The following IPCEF1 variants were observed in gnomAD, a reference collection of about 807,000 sequenced individuals.
IPCEF1 encodes interactor protein for cytohesin exchange factors 1.
In IPCEF1, 31 loss-of-function variants were observed where a neutral mutation model predicts 50.9. The ratio of observed to expected loss-of-function variants is 0.61; its 90% confidence interval spans 0.46 to 0.82. The LOEUF (loss-of-function observed/expected upper bound fraction) is 0.82, where lower values mean the gene tolerates loss of function less well. Ranked by LOEUF, IPCEF1 falls within the 40% of genes least tolerant of loss-of-function variation. IPCEF1 has a pLI of 0.00. For missense variants in IPCEF1, 458 were observed against 514.0 expected, an observed-to-expected ratio of 0.89 and a Z score of 1.05; for synonymous variants, 181 against 192.0, an observed-to-expected ratio of 0.94 and a Z score of 0.47.
chr6:154,205,076 T>G (rs1017649556), intron 9 of IPCEF1, among the ~76,000 whole-genome samples: 1 of 152,208 alleles, frequency 6.6e-6, no homozygotes, highest in Non-Finnish European at 1.5e-5. Context: ...GGGTCTTCCA[T>G]GACAGAGCAG....
intron 5 of IPCEF1, among the ~76,000 whole-genome samples, chr6:154,233,373 C>A (rs1177477142): frequency 6.6e-6 from 1 of 152,048 alleles, no homozygotes. Flanking sequence ...AATAATAATA[C>A]TAGTAAACTT....
intron 2 of IPCEF1, among the ~76,000 whole-genome samples, chr6:154,276,475 A>G (rs1404782310): frequency 6.6e-6 from 1 of 152,188 alleles, no homozygotes; most frequent in African/African-American, 2.4e-5. Flanking sequence ...CTTCTCTTGG[A>G]GGCTCTTATA....
intron 4 of IPCEF1, 51 bp from the exon 5 acceptor site, chr6:154,246,811 G>A (rs1781077784): frequency 6.9e-6 from 11 of 1,584,908 alleles, no homozygotes; most frequent in Non-Finnish European, 9.5e-6. Flanking sequence ...GATTTGGTAG[G>A]TAAAGTATTA....
intron 1 of IPCEF1, among the ~76,000 whole-genome samples, chr6:154,291,760 C>T: frequency 6.8e-6 from 1 of 146,970 alleles, no homozygotes; most frequent in Non-Finnish European, 1.5e-5. Context: ...TCTCGGCTCA[C>T]TGCAAGCTCC....
At chr6:154,305,027 T>C (rs1030704261) in intron 1 of IPCEF1, among the ~76,000 whole-genome samples, 1 of 151,638 alleles carries the variant, frequency 6.6e-6, no homozygotes, top group African/African-American at 2.4e-5. Flanking sequence ...GGCAGGAGAA[T>C]CGCTTGAGCC....
At chr6:154,179,029 G>C (rs17085137) in intron 10 of IPCEF1, among the ~76,000 whole-genome samples, 2 of 152,296 alleles carry the variant, frequency 1.3e-5, no homozygotes, top group East Asian at 1.9e-4. Context: ...GGGATGCACT[G>C]TGCCCCAGGT....
intron 1 of IPCEF1, among the ~76,000 whole-genome samples, chr6:154,316,472 C>A (rs1201808411): frequency 6.6e-6 from 1 of 152,110 alleles, no homozygotes; most frequent in African/African-American, 2.4e-5. Flanking sequence ...TTTGCAACAA[C>A]ATGAATAAAC....
chr6:154,307,464 G>A (rs920486783), intron 1 of IPCEF1, among the ~76,000 whole-genome samples: 5 of 152,096 alleles, frequency 3.3e-5, no homozygotes, highest in African/African-American at 4.8e-5. Flanking sequence ...GACCAGTCTC[G>A]GGTATGTTTT....
chr6:154,245,862 G>A (rs1307756661), intron 5 of IPCEF1, among the ~76,000 whole-genome samples: 2 of 152,210 alleles, frequency 1.3e-5, no homozygotes, highest in Non-Finnish European at 2.9e-5. Flanking sequence ...GGTCACGAAA[G>A]ATCAGCACAC....
rs181273873 is a variant in IPCEF1 at position 154,241,190 on chromosome 6, C to T, written c.246+5401G>A. On this transcript the variant is annotated intron_variant, in intron 5 of 11. Transcript: ENST00000367220. ...GGCGGAGGTTGCAGTGAGCCGAGAT[C>T]GCGCCACTGCACTTCAGCCTAGCAA... Among the ~76,000 whole-genome samples, 17 of 146,238 alleles carry T rather than the reference C, an allele frequency of 1.2e-4. No homozygotes were observed. The South Asian group carries it at 1.3e-3, about 11-fold the overall frequency.
intron 2 of IPCEF1, among the ~76,000 whole-genome samples, chr6:154,273,674 TCATCCAAATTA>T (rs1781954567): frequency 6.7e-6 from 1 of 149,800 alleles, no homozygotes; most frequent in Non-Finnish European, 1.5e-5. Context: ...GAAAGTAGCT[TCATCCAAATTA>T]TTTTAAGCTT....
At chr6:154,273,103 G>A (rs1355020583) in intron 2 of IPCEF1, among the ~76,000 whole-genome samples, 1 of 152,156 alleles carries the variant, frequency 6.6e-6, no homozygotes, top group Non-Finnish European at 1.5e-5. Flanking sequence ...CTTTCTCACA[G>A]AGCCTTAAGT....
intron 10 of IPCEF1, among the ~76,000 whole-genome samples, chr6:154,188,557 T>A (rs956751154): frequency 6.6e-5 from 10 of 152,106 alleles, no homozygotes; most frequent in African/African-American, 2.2e-4. Context: ...TATATGGAGG[T>A]TAAAATGGCC....
At chr6:154,331,419 G>GAGAGAGAA (rs1783668496) in intron 1 of IPCEF1, among the ~76,000 whole-genome samples, 1 of 144,442 alleles carries the variant, frequency 6.9e-6, no homozygotes, top group South Asian at 2.2e-4. Context: ...GAGAGAAAAA[G>GAGAGAGAA]AAAGAGAGAG....
At chr6:154,329,338 G>A (rs1490672610) in intron 1 of IPCEF1, among the ~76,000 whole-genome samples, 1 of 152,108 alleles carries the variant, frequency 6.6e-6, no homozygotes, top group Non-Finnish European at 1.5e-5. Context: ...GCTTACACTT[G>A]TAATATCAAC....
At chr6:154,247,596 T>TAA in intron 3 of IPCEF1, 108 bp from the exon 4 acceptor site, 1 of 870,600 alleles carries the variant, frequency 1.1e-6, no homozygotes, top group Non-Finnish European at 1.8e-6. Context: ...GGATGGAATC[T>TAA]AAAAAAAAAC....
chr6:154,171,309 A>C (rs1799850933), intron 10 of IPCEF1, among the ~76,000 whole-genome samples: 1 of 152,244 alleles, frequency 6.6e-6, no homozygotes, highest in Non-Finnish European at 1.5e-5. Flanking sequence ...AGTTGTCCAC[A>C]ATACTTCAAC....
chr6:154,355,411 C>T (rs570490247), intron 1 of IPCEF1, among the ~76,000 whole-genome samples: 20 of 152,190 alleles, frequency 1.3e-4, no homozygotes, highest in African/African-American at 4.6e-4. Flanking sequence ...CACAAACTTA[C>T]ACCCTTTTCT....
chr6:154,299,265 A>G (rs1197359540), intron 1 of IPCEF1, among the ~76,000 whole-genome samples: 3 of 140,952 alleles, frequency 2.1e-5, no homozygotes, highest in Admixed American at 7.3e-5. Flanking sequence ...ACCAGGGGAC[A>G]ATTGCTGAGA....
Sources: gnomAD v4.1 joint callset for allele counts (sites outside exome capture counted in the v4.1 genomes callset) on GRCh38, gnomAD v4.1.1 for gene constraint, MANE v1.5 for transcripts, NCBI Gene and HGNC (gene_info 2026-07-23, HGNC 2026-07-21) for gene names.